Variants in ACSM1 observed in about 807,000 individuals in gnomAD.
The protein encoded by ACSM1 is acyl-coenzyme A synthetase ACSM1, mitochondrial.
Under a neutral mutation model 75.8 loss-of-function variants are expected in ACSM1, and 79 were observed. That is an observed-to-expected ratio of 1.04 (90% CI 0.87 to 1.26). The LOEUF is 1.26. Among genes scored for constraint, ACSM1 ranks in the 50% most tolerant of loss-of-function variants. The pLI is 0.00. For synonymous variants in ACSM1, 279 were observed against 265.8 expected (o/e 1.05, Z -0.48); for missense variants, 676 against 720.1 (o/e 0.94, Z 0.70).
At chr16:20,645,560 A>T (rs925402666) in intron 7 of ACSM1, among the ~76,000 whole-genome samples, 9 of 152,198 alleles carry the variant, frequency 5.9e-5, no homozygotes, top group Non-Finnish European at 8.8e-5. Context: ...ACATGGATAG[A>T]TATAATATTA....
intron 13 of ACSM1, 99 bp from the exon 14 acceptor site, chr16:20,623,671 A>C: frequency 1.6e-6 from 2 of 1,217,618 alleles, no homozygotes; most frequent in South Asian, 2.6e-5. Flanking sequence ...TCTCCCATGC[A>C]GGCTGACACC....
intron 7 of ACSM1, among the ~76,000 whole-genome samples, chr16:20,641,746 G>C (rs1267482600): frequency 6.6e-6 from 1 of 152,144 alleles, no homozygotes; most frequent in Non-Finnish European, 1.5e-5. Flanking sequence ...CCCACAACCT[G>C]GTGTTGGGCC....
At chr16:20,685,827 A>C (rs1222202369) in intron 2 of ACSM1, among the ~76,000 whole-genome samples, 4 of 111,430 alleles carry the variant, frequency 3.6e-5, no homozygotes, top group Middle Eastern at 4.4e-3. Flanking sequence ...CTCAAAAAAA[A>C]AAAACAAACA....
intron 2 of ACSM1, 71 bp downstream of exon 2, chr16:20,690,926 C>T: frequency 1.9e-5 from 28 of 1,483,748 alleles, no homozygotes; most frequent in Non-Finnish European, 2.5e-5. Flanking sequence ...TACCTTTCAG[C>T]CTAGTAGGAG....
intron 11 of ACSM1, among the ~76,000 whole-genome samples, chr16:20,626,270 A>AGT (rs2016917822): frequency 6.6e-6 from 1 of 152,078 alleles, no homozygotes; most frequent in Non-Finnish European, 1.5e-5. Flanking sequence ...GCCAGGAAGC[A>AGT]GAGCTTGCAG....
intron 7 of ACSM1, among the ~76,000 whole-genome samples, chr16:20,651,023 G>T (rs1020984565): frequency 2.3e-4 from 34 of 147,088 alleles, no homozygotes; most frequent in African/African-American, 8.4e-4. Flanking sequence ...GGAACTTTTT[G>T]TGTGTGTGTG....
At chr16:20,652,256 G>T (rs1055882204) in intron 7 of ACSM1, among the ~76,000 whole-genome samples, 1 of 151,948 alleles carries the variant, frequency 6.6e-6, no homozygotes, top group South Asian at 2.1e-4. Context: ...AGGATTTAAG[G>T]TTATTATTTG....
At chr16:20,645,360 A>T (rs1195867401) in intron 7 of ACSM1, among the ~76,000 whole-genome samples, 1 of 152,206 alleles carries the variant, frequency 6.6e-6, no homozygotes, top group Non-Finnish European at 1.5e-5. Context: ...TTCTTTTTTC[A>T]GATGGGAAAC....
At chr16:20,691,867 C>A (rs1265304865) in intron 1 of ACSM1, among the ~76,000 whole-genome samples, 1 of 149,174 alleles carries the variant, frequency 6.7e-6, no homozygotes, top group African/African-American at 2.5e-5. Context: ...ATTTTGTGTG[C>A]TGTTTGTGGT....
intron 10 of ACSM1, among the ~76,000 whole-genome samples, chr16:20,636,376 T>G (rs2017706030): frequency 6.6e-6 from 1 of 152,182 alleles, no homozygotes; most frequent in Non-Finnish European, 1.5e-5. Context: ...CTCTGTAAAA[T>G]GGGATAATAG....
intron 3 of ACSM1, among the ~76,000 whole-genome samples, chr16:20,684,059 C>A (rs189302543): frequency 6.6e-6 from 1 of 152,066 alleles, no homozygotes; most frequent in Admixed American, 6.6e-5. Flanking sequence ...GAGTGCTGTA[C>A]ACATGATAAA....
intron 7 of ACSM1, among the ~76,000 whole-genome samples, chr16:20,641,563 T>G (rs187780183): frequency 2.7e-4 from 41 of 152,382 alleles, no homozygotes; most frequent in Admixed American, 7.2e-4. Context: ...GCACCTGATC[T>G]TTTGACCTCC....
chr16:20,676,435 C>A (rs1011132596), intron 4 of ACSM1, among the ~76,000 whole-genome samples: 15 of 152,220 alleles, frequency 9.9e-5, no homozygotes, highest in Non-Finnish European at 1.3e-4. Context: ...TGGTTGTACA[C>A]TCTGTTTAAC....
chr16:20,672,499 A>T (rs1488093442), intron 4 of ACSM1, among the ~76,000 whole-genome samples: 1 of 130,290 alleles, frequency 7.7e-6, no homozygotes, highest in Non-Finnish European at 1.6e-5. Flanking sequence ...TATATATAAA[A>T]AACATATTTA....
At chr16:20,635,594 TTCTTTCTTTCTTTCTTTCTTTC>T (rs2017632915) in intron 10 of ACSM1, among the ~76,000 whole-genome samples, 1 of 26,018 alleles carries the variant, frequency 3.8e-5, no homozygotes, top group African/African-American at 3.0e-4. Flanking sequence ...CTTTCTTTCT[TTCTTTCTTTCTTTCTTTCTTTC>T]TTTCTTTCTT....
chr16:20,689,058 A>G (rs2152331697), intron 2 of ACSM1, among the ~76,000 whole-genome samples: 1 of 150,186 alleles, frequency 6.7e-6, no homozygotes, highest in East Asian at 1.9e-4. Flanking sequence ...ATGTTAATTA[A>G]GCAATATACA....
chr16:20,639,283 ACT>A (rs1421389688), intron 8 of ACSM1, among the ~76,000 whole-genome samples: 1 of 152,202 alleles, frequency 6.6e-6, no homozygotes, highest in African/African-American at 2.4e-5. Context: ...CTGGAATGAC[ACT>A]GTTTGTGTGT....
intron 12 of ACSM1, 34 bp downstream of exon 12, chr16:20,625,389 C>T (rs769424379): frequency 3.6e-5 from 57 of 1,598,308 alleles, no homozygotes; most frequent in East Asian, 1.1e-4. Context: ...CTAGTGCCCA[C>T]GCACAGACAT....
intron 7 of ACSM1, among the ~76,000 whole-genome samples, chr16:20,653,479 T>C (rs1409077931): frequency 1.3e-5 from 2 of 152,196 alleles, no homozygotes; most frequent in Admixed American, 6.5e-5. Context: ...TGTTTGCAGA[T>C]GACATGATTG....
Sources: gnomAD v4.1 joint callset for allele counts (sites outside exome capture counted in the v4.1 genomes callset) on GRCh38, gnomAD v4.1.1 for gene constraint, MANE v1.5 for transcripts, NCBI Gene and HGNC (gene_info 2026-07-23, HGNC 2026-07-21) for gene names.